Variants in WWOX observed in about 807,000 individuals in gnomAD.
WWOX encodes WW domain containing oxidoreductase, also known as WW domain-containing oxidoreductase.
Under a neutral mutation model 46.2 loss-of-function variants are expected in WWOX, and 69 were observed. The ratio of observed to expected loss-of-function variants is 1.49; its 90% CI spans 1.23 to 1.82. WWOX has a LOEUF of 1.82. Among genes scored for constraint, WWOX ranks in the 40% most tolerant of loss-of-function variants. The probability of loss-of-function intolerance (pLI) is 0.00; values close to 1 mark genes in which losing one functional copy is unlikely to be tolerated. For missense variants in WWOX, 919 were observed against 542.6 expected (o/e 1.69, Z -6.89); for synonymous variants, 359 against 202.6 (o/e 1.77, Z -6.56).
chr16:78,326,570 T>TCCCCCCC (rs1287342811), intron 5 of WWOX, among the ~76,000 whole-genome samples: 3 of 10,022 alleles, frequency 3.0e-4, no homozygotes, highest in Non-Finnish European at 4.0e-4. Flanking sequence ...CTGCCTGCCC[T>TCCCCCCC]CCCCCCGCCC....
At chr16:79,060,438 A>T (rs892298471) in intron 8 of WWOX, among the ~76,000 whole-genome samples, 1 of 152,212 alleles carries the variant, frequency 6.6e-6, no homozygotes, top group Admixed American at 6.5e-5. Context: ...TTCTGATGCC[A>T]CTGAAGATGG....
chr16:78,122,567 C>G (rs1328992511), intron 4 of WWOX, among the ~76,000 whole-genome samples: 1 of 151,476 alleles, frequency 6.6e-6, no homozygotes, highest in East Asian at 1.9e-4. Flanking sequence ...TAGAGTGGCA[C>G]AATAAAAATT....
At chr16:78,176,813 TA>T (rs1338091608) in intron 5 of WWOX, among the ~76,000 whole-genome samples, 1 of 151,994 alleles carries the variant, frequency 6.6e-6, no homozygotes, top group Non-Finnish European at 1.5e-5. Context: ...AAGATAAAAA[TA>T]AAAAGGAAGG....
At chr16:78,148,199 A>T (rs2034274315) in intron 4 of WWOX, among the ~76,000 whole-genome samples, 1 of 152,206 alleles carries the variant, frequency 6.6e-6, no homozygotes, top group African/African-American at 2.4e-5. Flanking sequence ...CTTCAGGATA[A>T]ATCTTTCTAC....
At chr16:78,468,298 C>G (rs1382725297) in intron 8 of WWOX, among the ~76,000 whole-genome samples, 1 of 147,708 alleles carries the variant, frequency 6.8e-6, no homozygotes, top group East Asian at 2.0e-4. Context: ...TCATGGTGAG[C>G]AGAACACTGT....
intron 5 of WWOX, among the ~76,000 whole-genome samples, chr16:78,240,863 C>T (rs906572563): frequency 6.6e-6 from 1 of 152,184 alleles, no homozygotes; most frequent in African/African-American, 2.4e-5. Context: ...ATGGGTCTCT[C>T]TGGTCATTCT....
At chr16:78,365,750 C>G (rs1280643880) in intron 5 of WWOX, among the ~76,000 whole-genome samples, 2 of 151,986 alleles carry the variant, frequency 1.3e-5, no homozygotes, top group Admixed American at 6.5e-5. Context: ...GTTTTTTGTT[C>G]TTTTGTTTTT....
chr16:79,189,603 G>A (rs548583876), intron 8 of WWOX, among the ~76,000 whole-genome samples: 6 of 152,048 alleles, frequency 3.9e-5, no homozygotes, highest in Non-Finnish European at 8.8e-5. Flanking sequence ...GCCCAGCCTA[G>A]GAAAGCATAT....
rs578173886 is a variant in WWOX at position 78,556,966 on chromosome 16, A to G, written c.1056+124214A>G. Among the ~76,000 whole-genome samples the G allele has an allele frequency of 2.5e-3, 385 of 152,172 alleles. 4 individuals carry two copies. Among genetic ancestry groups the G allele is most frequent in the African/African-American group, 9.0e-3 (372 of 41,532 alleles). ...ACTCTTGACCTCAGGTGATTCACCC[A>G]CCTCAGCCTCCCAAAGTGCAGGGAT... On this transcript the variant is annotated intron_variant, in intron 8 of 8. Coordinates refer to ENST00000566780, the MANE Select transcript of WWOX (RefSeq NM_016373.4).
chr16:78,643,259 A>G (rs988760774), intron 8 of WWOX, among the ~76,000 whole-genome samples: 7 of 152,230 alleles, frequency 4.6e-5, no homozygotes, highest in Non-Finnish European at 7.3e-5. Context: ...ATTATCATCT[A>G]TCAAATTTTT....
intron 8 of WWOX, among the ~76,000 whole-genome samples, chr16:78,733,330 CTG>C (rs2049009049): frequency 1.3e-5 from 2 of 152,022 alleles, no homozygotes; most frequent in African/African-American, 4.8e-5. Flanking sequence ...TGTTGTGTGT[CTG>C]TAGTCTCAGC....
rs533053379 is a variant in WWOX, at chr16:78,449,865, T to G, written c.1056+17113T>G. ...GAAATGTGTATTGCAGAATTTGGAT[T>G]TGAGTTACAAAAACTAGCCAGAAAG... On this transcript the variant is annotated intron_variant, in intron 8 of 8. Coordinates refer to ENST00000566780, the MANE Select transcript of WWOX (RefSeq NM_016373.4). Among the ~76,000 whole-genome samples the G allele has an allele frequency of 3.6e-4, 55 of 152,208 alleles. 2 individuals carry two copies. Among genetic ancestry groups the G allele is most frequent in the Admixed American group, 1.2e-3 (19 of 15,280 alleles).
At chr16:78,633,822 G>A (rs558061493) in intron 8 of WWOX, among the ~76,000 whole-genome samples, 56 of 152,280 alleles carry the variant, frequency 3.7e-4, no homozygotes, top group African/African-American at 1.1e-3. Flanking sequence ...TGCATCAAAC[G>A]GGGATTGGGA....
In WWOX at chr16:78,115,255, C is replaced by T. The variant is rs2032720855; in HGVS notation, c.409+101C>T. ...TTGTTTAGTGGTTCTCTGATTTAAA[C>T]ATGACTTTTATCCTTTTCAGATATC... On this transcript the variant is annotated intron_variant, in intron 4 of 8. Transcript: ENST00000566780. 1.1e-5 allele frequency: 15 copies of T among 1,384,200 alleles called. No homozygotes were observed. The Admixed American group carries it at 1.8e-4, about 17-fold the overall frequency. The allele number at this position is 1,384,200 out of a possible 1,614,324, so 85.7% of individuals were successfully genotyped here. A position where few individuals can be genotyped will look rare whatever the true frequency, so the allele number is the denominator to read the frequency against.
chr16:79,031,228 T>G (rs11641140), intron 8 of WWOX, among the ~76,000 whole-genome samples: 68,067 of 151,942 alleles, frequency 0.45, 15,837 homozygotes, highest in East Asian at 0.66. Flanking sequence ...GAGTGTCCCA[T>G]CTGGGTTTCC....
At chr16:78,784,215 A>G (rs1205650607) in intron 8 of WWOX, among the ~76,000 whole-genome samples, 3 of 152,132 alleles carry the variant, frequency 2.0e-5, no homozygotes, top group Non-Finnish European at 2.9e-5. Context: ...TGTCATAGGT[A>G]GATACTATTA....
intron 8 of WWOX, among the ~76,000 whole-genome samples, chr16:79,142,614 T>A (rs530039935): frequency 3.9e-5 from 6 of 152,340 alleles, no homozygotes; most frequent in African/African-American, 1.4e-4. Context: ...AGAGTCCATT[T>A]ATTTCTCCTC....
At chr16:78,827,337 T>C (rs1204602971) in intron 8 of WWOX, among the ~76,000 whole-genome samples, 1 of 152,100 alleles carries the variant, frequency 6.6e-6, no homozygotes, top group Non-Finnish European at 1.5e-5. Flanking sequence ...ACGATGATCT[T>C]GACCATTTTA....
In WWOX at chr16:78,346,853, T is replaced by C. The variant is rs1173427160; in HGVS notation, c.517-40007T>C. ...TTGAGTAGCTGGTGTTACAGAAGCC[T>C]GCTACCATGCCTGGCTAATTTTTGT... On this transcript the variant is annotated intron_variant, in intron 5 of 8. Transcript: ENST00000566780. Among the ~76,000 whole-genome samples the C allele has an allele frequency of 3.3e-5, 4 of 119,436 alleles. 1 individual carries two copies. The highest frequency in any genetic ancestry group is 1.1e-4 in the African/African-American group (4 of 35,164). 78.4% of individuals were successfully genotyped at this position (119,436 alleles called of 152,430 possible). A position where few individuals can be genotyped will look rare whatever the true frequency, so the allele number is the denominator to read the frequency against.
Sources: allele counts gnomAD v4.1 joint callset (sites outside exome capture counted in the v4.1 genomes callset), GRCh38; gene constraint gnomAD v4.1.1; transcripts MANE v1.5; gene names NCBI Gene and HGNC (gene_info 2026-07-23, HGNC 2026-07-21).